The following ROBO1 variants were observed in gnomAD, a reference collection of about 807,000 sequenced individuals.
The protein encoded by ROBO1 is roundabout guidance receptor 1.
ROBO1 carries 149 observed loss-of-function variants against 195.9 expected under a neutral mutation model. That is an observed-to-expected ratio of 0.76 (90% CI 0.67 to 0.87). The LOEUF (loss-of-function observed/expected upper bound fraction) is 0.87. Ranked by LOEUF, ROBO1 falls within the 40% of genes least tolerant of loss-of-function variation. The probability of loss-of-function intolerance (pLI) is 0.00; values close to 1 mark genes in which losing one functional copy is unlikely to be tolerated. For synonymous variants in ROBO1, 816 were observed against 733.2 expected (o/e 1.11, Z -1.82); for missense variants, 1,933 against 2,068.3 (o/e 0.93, Z 1.27).
intron 3 of ROBO1, among the ~76,000 whole-genome samples, chr3:78,963,707 C>T (rs562731925): frequency 2.7e-4 from 41 of 151,538 alleles, no homozygotes; most frequent in East Asian, 2.4e-3. Flanking sequence ...TTAGTAGAGA[C>T]GGGGTTTCAC....
At chr3:78,711,331 C>CTTT (rs2081690105) in intron 8 of ROBO1, among the ~76,000 whole-genome samples, 1 of 107,640 alleles carries the variant, frequency 9.3e-6, no homozygotes, top group African/African-American at 4.0e-5. Flanking sequence ...CTCTCTCCTT[C>CTTT]CTTCCTTCCT....
At chr3:79,059,605 A>T (rs753323051) in intron 3 of ROBO1, among the ~76,000 whole-genome samples, 10 of 152,074 alleles carry the variant, frequency 6.6e-5, no homozygotes, top group Non-Finnish European at 1.3e-4. Flanking sequence ...GACATTCATT[A>T]GTTCCCCCAA....
At chr3:79,054,633 C>A (rs1000594416) in intron 3 of ROBO1, among the ~76,000 whole-genome samples, 3 of 152,090 alleles carry the variant, frequency 2.0e-5, no homozygotes, top group South Asian at 2.1e-4. Context: ...TCAACTTGGT[C>A]ATACTCGTAA....
intron 4 of ROBO1, among the ~76,000 whole-genome samples, chr3:78,909,912 A>G (rs2038146411): frequency 1.3e-5 from 2 of 151,838 alleles, no homozygotes; most frequent in Admixed American, 1.3e-4. Flanking sequence ...GGTATACTAA[A>G]TTGATTCTAA....
Position 79,559,019 on chromosome 3 carries a change from A to G in ROBO1, c.88+30805T>C, listed in dbSNP as rs543931425. Reference sequence around the variant, plus strand: ...ACATAACAAACCTAACGTAGTATGTAAACAAGCCGCAACTTAACCTAGTAG... The same window carrying G: ...ACATAACAAACCTAACGTAGTATGTGAACAAGCCGCAACTTAACCTAGTAG... On this transcript the variant is annotated intron_variant, in intron 2 of 30. Transcript: ENST00000464233. Among the ~76,000 whole-genome samples the G allele has an allele frequency of 3.3e-3, 495 of 152,288 alleles. 2 individuals are homozygous for G. The highest frequency in any genetic ancestry group is 0.011 in the African/African-American group (445 of 41,562).
At chr3:78,874,070 C>G (rs971901499) in intron 4 of ROBO1, among the ~76,000 whole-genome samples, 1 of 151,480 alleles carries the variant, frequency 6.6e-6, no homozygotes, top group Non-Finnish European at 1.5e-5. Flanking sequence ...GTATGAGCAA[C>G]GGGCATAAGC....
chr3:79,282,369 T>C (rs1029932054), intron 2 of ROBO1, among the ~76,000 whole-genome samples: 2 of 152,190 alleles, frequency 1.3e-5, no homozygotes, highest in African/African-American at 4.8e-5. Context: ...ATCTAATGCA[T>C]ACCAGTGACT....
At chr3:79,505,414 A>G (rs1444212116) in intron 2 of ROBO1, among the ~76,000 whole-genome samples, 1 of 152,212 alleles carries the variant, frequency 6.6e-6, no homozygotes, top group Admixed American at 6.5e-5. Flanking sequence ...GATCGAACAA[A>G]GCAGAAGTCT....
At chr3:79,436,821 A>G (rs971581511) in intron 2 of ROBO1, among the ~76,000 whole-genome samples, 1 of 152,106 alleles carries the variant, frequency 6.6e-6, no homozygotes, top group Non-Finnish European at 1.5e-5. Context: ...GAAGGTGGTT[A>G]TAAAAAGATG....
chr3:78,954,974 T>C (rs2040968265), intron 3 of ROBO1, among the ~76,000 whole-genome samples: 1 of 151,140 alleles, frequency 6.6e-6, no homozygotes, highest in South Asian at 2.1e-4. Context: ...TTTACTTTTA[T>C]GTTCAGGGGT....
chr3:79,299,827 A>G (rs1441915437), intron 2 of ROBO1, among the ~76,000 whole-genome samples: 1 of 151,870 alleles, frequency 6.6e-6, no homozygotes, highest in Non-Finnish European at 1.5e-5. Flanking sequence ...GTTGTTTTAA[A>G]TATCAACTCA....
chr3:79,063,510 C>CAAA (rs11441603), intron 3 of ROBO1, among the ~76,000 whole-genome samples: 20 of 136,486 alleles, frequency 1.5e-4, no homozygotes, highest in South Asian at 7.1e-4. Flanking sequence ...TTTCTCATTC[C>CAAA]AAAAAAAAAA....
intron 1 of ROBO1, among the ~76,000 whole-genome samples, chr3:79,672,310 T>C (rs1946656041): frequency 6.6e-6 from 1 of 150,672 alleles, no homozygotes; most frequent in South Asian, 2.1e-4. Context: ...TGGGACACTC[T>C]TTACTCATAA....
chr3:78,904,033 A>G (rs935620336), intron 4 of ROBO1, among the ~76,000 whole-genome samples: 1 of 152,062 alleles, frequency 6.6e-6, no homozygotes, highest in African/African-American at 2.4e-5. Flanking sequence ...TGAAGCATTT[A>G]TAACAGCACC....
chr3:79,301,055 G>A (rs746780623), intron 2 of ROBO1, among the ~76,000 whole-genome samples: 13 of 152,018 alleles, frequency 8.6e-5, no homozygotes, highest in Admixed American at 1.3e-4. Context: ...CAACCCTCTC[G>A]GGTCACCTTC....
At position 78,662,030 on chromosome 3, in the gene ROBO1, G is replaced by T. The variant is rs375577334; in HGVS notation, c.2051C>A (p.Thr684Asn). 3 of 1,603,914 alleles carry T rather than the reference G, an allele frequency of 1.9e-6. No homozygotes were observed. The South Asian group carries it at 3.4e-5, about 18-fold the overall frequency. The stretch of plus-strand genomic sequence containing the variant: ...TTCGATGGAAGAGGAAGAAAGGACG[G>T]TGGGGTTGTGGAGGTGCAGAACAGC... ...GNAVLHLHNP[T>N]VLSSSSIEVH... The change falls in exon 15 of 31, where the codon ACC (threonine) becomes AAC (asparagine). Residue 684 changes from threonine (T) to asparagine (N), a missense_variant. Transcript: ENST00000464233.
intron 4 of ROBO1, among the ~76,000 whole-genome samples, chr3:78,776,790 G>A (rs2083519836): frequency 6.6e-6 from 1 of 152,020 alleles, no homozygotes; most frequent in African/African-American, 2.4e-5. Context: ...TTAGTATCTG[G>A]CTTTGGACAA....
At chr3:78,887,351 A>G (rs1011760429) in intron 4 of ROBO1, among the ~76,000 whole-genome samples, 53 of 152,196 alleles carry the variant, frequency 3.5e-4, no homozygotes, top group African/African-American at 1.2e-3. Flanking sequence ...TGAGTCTACA[A>G]TAATTCTCTT....
chr3:79,503,108 C>G (rs1374541542), intron 2 of ROBO1, among the ~76,000 whole-genome samples: 1 of 152,150 alleles, frequency 6.6e-6, no homozygotes, highest in Non-Finnish European at 1.5e-5. Flanking sequence ...CTCGCTGCTG[C>G]TCACTCTTTG....
Sources: allele counts gnomAD v4.1 joint callset (sites outside exome capture counted in the v4.1 genomes callset), GRCh38; gene constraint gnomAD v4.1.1; transcripts MANE v1.5; gene names NCBI Gene and HGNC (gene_info 2026-07-23, HGNC 2026-07-21).